Variants in EMCN observed in about 807,000 individuals in gnomAD.
EMCN encodes MUC-14.
Under a neutral mutation model 38.4 loss-of-function variants are expected in EMCN, and 37 were observed. The observed-to-expected ratio is 0.96, with a 90% CI of 0.74 to 1.27. EMCN has a LOEUF of 1.27. EMCN is among the 50% of genes most tolerant of loss of function. EMCN has a pLI of 0.00. For synonymous variants in EMCN, 95 were observed against 100.8 expected (o/e 0.94, Z 0.35); for missense variants, 318 against 302.8 (o/e 1.05, Z -0.37).
intron 10 of EMCN, among the ~76,000 whole-genome samples, chr4:100,410,827 A>T (rs1726532803): frequency 6.6e-6 from 1 of 152,142 alleles, no homozygotes; most frequent in South Asian, 2.1e-4. Flanking sequence ...CACTTGGGTG[A>T]TATACAGAGC....
chr4:100,513,376 C>A (rs886873687), intron 1 of EMCN, among the ~76,000 whole-genome samples: 2 of 152,156 alleles, frequency 1.3e-5, no homozygotes, highest in African/African-American at 4.8e-5. Flanking sequence ...AAGCAACTCA[C>A]GTTACCTGTA....
intron 1 of EMCN, among the ~76,000 whole-genome samples, chr4:100,516,414 C>A (rs1284425808): frequency 6.6e-6 from 1 of 152,062 alleles, no homozygotes; most frequent in African/African-American, 2.4e-5. Context: ...CTAAGCCAGA[C>A]TTTCAGACTT....
intron 4 of EMCN, among the ~76,000 whole-genome samples, chr4:100,449,276 T>A (rs992824054): frequency 6.6e-6 from 1 of 152,184 alleles, no homozygotes. Context: ...CAGTTTCATA[T>A]CTTATTAGTT....
intron 4 of EMCN, among the ~76,000 whole-genome samples, chr4:100,460,723 G>A (rs546556953): frequency 1.3e-5 from 2 of 152,256 alleles, no homozygotes; most frequent in South Asian, 4.2e-4. Context: ...TGGGGACACA[G>A]CCAAACCATT....
intron 10 of EMCN, among the ~76,000 whole-genome samples, chr4:100,414,932 G>A (rs900605417): frequency 6.6e-5 from 10 of 151,748 alleles, no homozygotes; most frequent in African/African-American, 1.9e-4. Flanking sequence ...ATGAAGTCTC[G>A]CTCCTTTGTC....
intron 1 of EMCN, among the ~76,000 whole-genome samples, chr4:100,509,368 T>C (rs949582296): frequency 6.6e-6 from 1 of 152,218 alleles, no homozygotes; most frequent in African/African-American, 2.4e-5. Flanking sequence ...ATCCCAATAA[T>C]GCAATTAGTT....
At chr4:100,493,743 A>C (rs566123890) in intron 1 of EMCN, among the ~76,000 whole-genome samples, 1 of 152,206 alleles carries the variant, frequency 6.6e-6, no homozygotes, top group African/African-American at 2.4e-5. Context: ...TGAGTTATTT[A>C]TATTTTAAGA....
chr4:100,505,627 C>A (rs139296205), intron 1 of EMCN, among the ~76,000 whole-genome samples: 1 of 152,012 alleles, frequency 6.6e-6, no homozygotes, highest in Non-Finnish European at 1.5e-5. Context: ...TTTGAGGAAC[C>A]CTTGAAAATA....
rs758396394 is a variant in EMCN at position 100,447,561 on chromosome 4, C to G, written c.387G>C (p.Gln129His). 2 of 1,601,296 alleles carry G rather than the reference C, an allele frequency of 1.2e-6. No individual in the cohort carries two copies. The highest frequency in any genetic ancestry group is 1.7e-5 in the Admixed American group (1 of 59,736). ...GTATTTCTGTTGTTTTAATTGAACT[C>G]TGAGTTTCAGCTTTAGAAGGAAAAA... Reference protein sequence around the residue: ...LQSSKPKTETQSSIKTTEIPG... With the variant: ...LQSSKPKTETHSSIKTTEIPG... The change falls in exon 5 of 12, where the codon CAG becomes CAC. Residue 129 changes from glutamine to histidine, a missense_variant. Transcript: ENST00000296420.
chr4:100,499,604 G>A (rs1407513229), intron 1 of EMCN, among the ~76,000 whole-genome samples: 1 of 152,168 alleles, frequency 6.6e-6, no homozygotes, highest in African/African-American at 2.4e-5. Flanking sequence ...GCACCAAGAA[G>A]CATTGTAAGC....
intron 1 of EMCN, among the ~76,000 whole-genome samples, chr4:100,500,216 A>T (rs1729313584): frequency 6.6e-6 from 1 of 152,154 alleles, no homozygotes; most frequent in South Asian, 2.1e-4. Flanking sequence ...GTCTCTTTTA[A>T]GTAGTAATCA....
intron 1 of EMCN, among the ~76,000 whole-genome samples, chr4:100,484,858 T>C (rs1022323529): frequency 6.6e-6 from 1 of 152,148 alleles, no homozygotes; most frequent in Non-Finnish European, 1.5e-5. Context: ...TAGCACCAAT[T>C]AGTAAAAAAG....
At chr4:100,466,299 T>C (rs1387260921) in intron 3 of EMCN, among the ~76,000 whole-genome samples, 1 of 152,238 alleles carries the variant, frequency 6.6e-6, no homozygotes, top group Admixed American at 6.5e-5. Context: ...TAGCTGGATG[T>C]GATGCTAGCT....
Position 100,421,607 on chromosome 4 carries a change from T to A in EMCN, c.569-230A>T, listed in dbSNP as rs1726891219. On this transcript the variant is annotated intron_variant, in intron 7 of 11. Coordinates refer to ENST00000296420, the MANE Select transcript of EMCN (RefSeq NM_016242.4). ...CCTTTCTGAAACAAAATTCCAACCT[T>A]AAGAGAGAGTGCCCCCATCTTCCTG... 2.0e-5 allele frequency among the ~76,000 whole-genome samples: 3 copies of A among 151,932 alleles called. 1 individual carries two copies. The South Asian group carries it at 6.2e-4, about 32-fold the overall frequency.
intron 1 of EMCN, among the ~76,000 whole-genome samples, chr4:100,508,154 A>T (rs192858267): frequency 2.5e-4 from 38 of 152,318 alleles, no homozygotes; most frequent in African/African-American, 9.1e-4. Flanking sequence ...ACTTGATTAA[A>T]CCACACTCAT....
At position 100,396,054 on chromosome 4, in the gene EMCN, A is replaced by C. The variant is rs1409102998; in HGVS notation, c.*2359T>G. On this transcript the variant is annotated 3_prime_UTR_variant, in exon 12 of 12. Coordinates refer to ENST00000296420, the MANE Select transcript of EMCN (RefSeq NM_016242.4). ...GTAAGCCAGGCATAAAAAGTAGATC[A>C]TCTAAATCAGATAATTAAAACATAT... 6.6e-6 allele frequency: 1 copy of C among 152,218 alleles called. No individual in the cohort carries two copies. The highest frequency in any genetic ancestry group is 2.4e-5 in the African/African-American group (1 of 41,454). The allele number at this position is 152,218 out of a possible 1,614,324, so 9.4% of individuals were successfully genotyped here.
chr4:100,448,990 C>T (rs890655465), intron 4 of EMCN, among the ~76,000 whole-genome samples: 3 of 151,920 alleles, frequency 2.0e-5, no homozygotes, highest in Non-Finnish European at 1.5e-5. Context: ...TTCAACAGTA[C>T]TTTTATTACT....
At chr4:100,451,331 G>C (rs1471469750) in intron 4 of EMCN, among the ~76,000 whole-genome samples, 1 of 151,852 alleles carries the variant, frequency 6.6e-6, no homozygotes, top group Non-Finnish European at 1.5e-5. Flanking sequence ...GTAAAATCTA[G>C]TAGAGGTCCT....
In EMCN at chr4:100,441,760, C is replaced by T. The variant is rs112151625; in HGVS notation, c.415+5773G>A. 4.6e-3 allele frequency among the ~76,000 whole-genome samples: 704 copies of T among 152,240 alleles called. 7 individuals are homozygous for T. The highest frequency in any genetic ancestry group is 0.016 in the African/African-American group (671 of 41,560). On this transcript the variant is annotated intron_variant, in intron 5 of 11. Transcript: ENST00000296420. The stretch of plus-strand genomic sequence containing the variant: ...ATAATAACTTAAATTCTGTTGCATA[C>T]AAAAACTCTATACATTTACCTTTCC...
Sources: allele counts gnomAD v4.1 joint callset (sites outside exome capture counted in the v4.1 genomes callset), GRCh38; gene constraint gnomAD v4.1.1; transcripts MANE v1.5; gene names NCBI Gene and HGNC (gene_info 2026-07-23, HGNC 2026-07-21).